CDH6: variants seen among roughly 807,000 people sequenced by gnomAD.
The protein encoded by CDH6 is cadherin 6, also known as cadherin-6.
A neutral mutation model predicts 78.0 loss-of-function variants in CDH6; 31 were observed. The observed-to-expected ratio is 0.40, with a 90% CI of 0.30 to 0.54. The LOEUF is 0.54. Ranked by LOEUF, CDH6 falls within the 20% of genes least tolerant of loss-of-function variation. The probability of loss-of-function intolerance (pLI) is 0.56; values close to 1 mark genes in which losing one functional copy is unlikely to be tolerated. For missense variants in CDH6, 724 were observed against 975.9 expected (o/e 0.74, Z 3.44); for synonymous variants, 376 against 368.8 (o/e 1.02, Z -0.23).
intron 1 of CDH6, among the ~76,000 whole-genome samples, chr5:31,232,792 C>T (rs1579836452): frequency 1.3e-5 from 2 of 152,244 alleles, no homozygotes; most frequent in East Asian, 3.9e-4. Context: ...ATTATAAATG[C>T]AACACTTATA....
chr5:31,252,125 G>C (rs1741926512), intron 1 of CDH6, among the ~76,000 whole-genome samples: 1 of 152,142 alleles, frequency 6.6e-6, no homozygotes, highest in Admixed American at 6.5e-5. Flanking sequence ...CATTATCTGA[G>C]GGTGGCTGTG....
At chr5:31,284,597 C>G (rs566150702) in intron 2 of CDH6, among the ~76,000 whole-genome samples, 1 of 152,110 alleles carries the variant, frequency 6.6e-6, no homozygotes, top group East Asian at 1.9e-4. Context: ...AGTAGAAGGA[C>G]AAAGAAATCC....
At chr5:31,274,736 C>T (rs1742643803) in intron 2 of CDH6, among the ~76,000 whole-genome samples, 1 of 152,254 alleles carries the variant, frequency 6.6e-6, no homozygotes. Context: ...GTGAGAATCA[C>T]TTGAACCTGG....
At chr5:31,283,242 G>C (rs1742910516) in intron 2 of CDH6, among the ~76,000 whole-genome samples, 1 of 152,168 alleles carries the variant, frequency 6.6e-6, no homozygotes, top group African/African-American at 2.4e-5. Flanking sequence ...AATGCCAATA[G>C]AGCAGAGACT....
intron 1 of CDH6, among the ~76,000 whole-genome samples, 181 bp from the exon 2 acceptor site, chr5:31,267,165 C>G (rs551334368): frequency 6.6e-6 from 1 of 152,194 alleles, no homozygotes; most frequent in Non-Finnish European, 1.5e-5. Flanking sequence ...AGCTTCCTAC[C>G]CAGCACATGC....
chr5:31,318,964 T>C (rs932923117), intron 11 of CDH6: 27 of 221,414 alleles, frequency 1.2e-4, no homozygotes, highest in African/African-American at 5.4e-4. Context: ...AGAACTGCGA[T>C]TCTCTTTGTC....
intron 1 of CDH6, among the ~76,000 whole-genome samples, chr5:31,257,735 ATGT>A (rs1287332052): frequency 6.6e-6 from 1 of 151,946 alleles, no homozygotes; most frequent in East Asian, 1.9e-4. Flanking sequence ...CCTCCCACTA[ATGT>A]TGATAATCCA....
At position 31,193,806 on chromosome 5, in the gene CDH6, A is replaced by G. The variant is rs1740078099; in HGVS notation, c.-209A>G. 2 of 154,048 alleles carry G rather than the reference A, an allele frequency of 1.3e-5. No individual in the cohort carries two copies. The highest frequency in any genetic ancestry group is 1.3e-4 in the Admixed American group (2 of 15,286). The allele number at this position is 154,048 out of a possible 1,614,324, so 9.5% of individuals were successfully genotyped here. A position where few individuals can be genotyped will look rare whatever the true frequency, so the allele number is the denominator to read the frequency against. On this transcript the variant is annotated 5_prime_UTR_variant, in exon 1 of 12. Transcript: ENST00000265071. ...GACAGCAAGAACGGCAGAGCCGGCG[A>G]CCGCGGCGGCGGCGGCGGCGGAGGC...
intron 7 of CDH6, among the ~76,000 whole-genome samples, chr5:31,312,651 A>T (rs567172609): frequency 6.6e-6 from 1 of 152,290 alleles, no homozygotes; most frequent in South Asian, 2.1e-4. Flanking sequence ...AGATCATGCC[A>T]CTGCACTCCA....
In CDH6 at chr5:31,276,749, G is replaced by A. The variant is rs548699285; in HGVS notation, c.228+9048G>A. ...CAGCCTCAGCTGCACTTCTGACTAC[G>A]TGTGTAATATTAGGCAAGTAATTTA... On this transcript the variant is annotated intron_variant, in intron 2 of 11. Coordinates refer to ENST00000265071, the MANE Select transcript of CDH6 (RefSeq NM_004932.4). Among the ~76,000 whole-genome samples, 9 of 152,304 alleles carry A rather than the reference G, an allele frequency of 5.9e-5. No individual in the cohort carries two copies. The South Asian group carries it at 1.7e-3, about 28-fold the overall frequency.
At chr5:31,213,184 G>C (rs1263073104) in intron 1 of CDH6, among the ~76,000 whole-genome samples, 2 of 152,176 alleles carry the variant, frequency 1.3e-5, no homozygotes, top group African/African-American at 4.8e-5. Context: ...GATGTTATCT[G>C]TAGATAATAG....
At chr5:31,283,461 C>T (rs574961805) in intron 2 of CDH6, among the ~76,000 whole-genome samples, 1 of 152,196 alleles carries the variant, frequency 6.6e-6, no homozygotes, top group African/African-American at 2.4e-5. Context: ...CCTCAGTTGC[C>T]TCATCACTTA....
intron 1 of CDH6, among the ~76,000 whole-genome samples, chr5:31,262,014 T>C (rs1054293669): frequency 6.6e-6 from 1 of 152,252 alleles, no homozygotes; most frequent in Non-Finnish European, 1.5e-5. Context: ...TGTCTTCTCA[T>C]TCTATATATC....
At chr5:31,266,424 T>C (rs560403203) in intron 1 of CDH6, among the ~76,000 whole-genome samples, 1 of 152,322 alleles carries the variant, frequency 6.6e-6, no homozygotes, top group South Asian at 2.1e-4. Context: ...ACTGTGCAAC[T>C]GTAATTTTTG....
At chr5:31,216,369 T>C (rs765444222) in intron 1 of CDH6, among the ~76,000 whole-genome samples, 11 of 152,050 alleles carry the variant, frequency 7.2e-5, no homozygotes, top group Non-Finnish European at 1.6e-4. Context: ...CTGAAAATGG[T>C]TTGTCCATTT....
At chr5:31,298,473 A>C (rs2149949713) in intron 4 of CDH6, among the ~76,000 whole-genome samples, 1 of 152,292 alleles carries the variant, frequency 6.6e-6, no homozygotes, top group East Asian at 1.9e-4. Flanking sequence ...TAAATAGAGA[A>C]GTACTATTAT....
At chr5:31,246,533 G>A (rs1160178760) in intron 1 of CDH6, among the ~76,000 whole-genome samples, 6 of 152,090 alleles carry the variant, frequency 3.9e-5, no homozygotes, top group Non-Finnish European at 7.4e-5. Context: ...TTTCTCCAGC[G>A]CAGCCCAGGT....
At position 31,328,854 on chromosome 5, in the gene CDH6, G is replaced by A. The variant is rs571089217; in HGVS notation, c.*5546G>A. 8.7e-5 allele frequency: 19 copies of A among 219,450 alleles called. No homozygotes were observed. The highest frequency in any genetic ancestry group is 4.3e-4 in the African/African-American group (19 of 44,696). The allele number at this position is 219,450 out of a possible 1,614,324, so 13.6% of individuals were successfully genotyped here. On this transcript the variant is annotated 3_prime_UTR_variant, in exon 12 of 12. Coordinates refer to ENST00000265071, the MANE Select transcript of CDH6 (RefSeq NM_004932.4). Reference sequence around the variant, plus strand: ...GTTCCCATCAACATTTCTAGTTAGGGGGATTCTCATAACCCCACAGTTTAC... The same window carrying A: ...GTTCCCATCAACATTTCTAGTTAGGAGGATTCTCATAACCCCACAGTTTAC...
intron 7 of CDH6, among the ~76,000 whole-genome samples, chr5:31,306,833 C>T (rs1738005575): frequency 6.6e-6 from 1 of 151,924 alleles, no homozygotes; most frequent in South Asian, 2.1e-4. Flanking sequence ...GAAAATAAGG[C>T]AGAATAAGGA....
Sources: gnomAD v4.1 joint callset for allele counts (sites outside exome capture counted in the v4.1 genomes callset) on GRCh38, gnomAD v4.1.1 for gene constraint, MANE v1.5 for transcripts, NCBI Gene and HGNC (gene_info 2026-07-23, HGNC 2026-07-21) for gene names.